Variants in FSTL4 observed in about 807,000 individuals in gnomAD.
FSTL4 encodes follistatin-related protein 4.
FSTL4 carries 28 observed loss-of-function variants against 78.2 expected under a neutral mutation model. The ratio of observed to expected loss-of-function variants is 0.36; its 90% CI spans 0.27 to 0.49. FSTL4 has a LOEUF of 0.49. Among genes scored for constraint, FSTL4 ranks in the 20% least tolerant of loss-of-function variants. The pLI is 0.98. For synonymous variants in FSTL4, 422 were observed against 440.5 expected, an observed-to-expected ratio of 0.96 and a Z score of 0.53; for missense variants, 922 against 1,084.9, an observed-to-expected ratio of 0.85 and a Z score of 2.11.
chr5:133,620,092 G>C, the FSTL4 span, among the ~76,000 whole-genome samples: 1 of 152,178 alleles, frequency 6.6e-6, no homozygotes, highest in Non-Finnish European at 1.5e-5. Context: ...TATCTAGTTA[G>C]GGGATAGAAT....
At chr5:133,714,692 A>C in the FSTL4 span, among the ~76,000 whole-genome samples, 4 of 152,356 alleles carry the variant, frequency 2.6e-5, no homozygotes, top group Non-Finnish European at 4.4e-5. Flanking sequence ...ACTCTCCCAG[A>C]ACACCATATG....
intron 3 of FSTL4, among the ~76,000 whole-genome samples, chr5:133,492,056 C>A (rs1229141060): frequency 1.3e-5 from 2 of 152,114 alleles, no homozygotes; most frequent in Non-Finnish European, 2.9e-5. Context: ...TTTTTCCAGA[C>A]TCTTCTGTTA....
At chr5:133,548,613 G>T (rs1164896196) in intron 3 of FSTL4, among the ~76,000 whole-genome samples, 2 of 152,124 alleles carry the variant, frequency 1.3e-5, no homozygotes, top group Non-Finnish European at 2.9e-5. Context: ...TAACACTACT[G>T]GCATTAGCAG....
At chr5:133,749,321 C>T in the FSTL4 span, among the ~76,000 whole-genome samples, 3 of 152,294 alleles carry the variant, frequency 2.0e-5, no homozygotes, top group African/African-American at 7.2e-5. Flanking sequence ...TTCTGAGTGA[C>T]CAGGCTTCAC....
chr5:133,325,851 T>C (rs1054206227), intron 4 of FSTL4, among the ~76,000 whole-genome samples: 2 of 152,116 alleles, frequency 1.3e-5, no homozygotes, highest in African/African-American at 4.8e-5. Flanking sequence ...TGGCTGCCTG[T>C]CCCCCAGACA....
At chr5:133,823,428 G>A in the FSTL4 span, among the ~76,000 whole-genome samples, 4 of 152,138 alleles carry the variant, frequency 2.6e-5, no homozygotes, top group African/African-American at 9.7e-5. Flanking sequence ...GGGCTGGTTT[G>A]GGCCCCCTTG....
intron 3 of FSTL4, among the ~76,000 whole-genome samples, chr5:133,434,917 C>CTG (rs149165082): frequency 2.6e-5 from 4 of 151,580 alleles, no homozygotes; most frequent in East Asian, 1.9e-4. Flanking sequence ...ATGTGAATGT[C>CTG]TGTGTGTGTG....
At chr5:133,438,125 T>C (rs143599502) in intron 3 of FSTL4, among the ~76,000 whole-genome samples, 1 of 152,338 alleles carries the variant, frequency 6.6e-6, no homozygotes, top group African/African-American at 2.4e-5. Context: ...AAGTACTTCT[T>C]TTAAAAAATA....
At chr5:133,776,224 G>A in the FSTL4 span, among the ~76,000 whole-genome samples, 1 of 152,190 alleles carries the variant, frequency 6.6e-6, no homozygotes, top group African/African-American at 2.4e-5. Context: ...TTGTGGTTTA[G>A]TTTGTCAATG....
chr5:133,569,504 T>G (rs773235574), intron 2 of FSTL4, among the ~76,000 whole-genome samples: 2 of 152,224 alleles, frequency 1.3e-5, no homozygotes, highest in Non-Finnish European at 2.9e-5. Flanking sequence ...ATTTGTTTAT[T>G]GACTGTTTCC....
intron 12 of FSTL4, among the ~76,000 whole-genome samples, chr5:133,218,693 T>C (rs60087442): frequency 0.03 from 4,642 of 152,248 alleles, 226 homozygotes; most frequent in African/African-American, 0.11. Context: ...ATCTACAGGG[T>C]TTATTTTCTC....
At chr5:133,581,079 T>G (rs951464609) in intron 2 of FSTL4, among the ~76,000 whole-genome samples, 13 of 152,332 alleles carry the variant, frequency 8.5e-5, no homozygotes, top group Non-Finnish European at 1.6e-4. Flanking sequence ...ATACACACTT[T>G]GATTAGAAGG....
intron 4 of FSTL4, among the ~76,000 whole-genome samples, chr5:133,320,069 C>T (rs1754009238): frequency 1.3e-5 from 2 of 152,134 alleles, no homozygotes; most frequent in South Asian, 4.1e-4. Flanking sequence ...CTCTTGGTGG[C>T]TCCCTGCCTT....
At chr5:133,374,020 C>G (rs1430472700) in intron 4 of FSTL4, among the ~76,000 whole-genome samples, 2 of 152,166 alleles carry the variant, frequency 1.3e-5, no homozygotes, top group Non-Finnish European at 2.9e-5. Flanking sequence ...TCTGCCTGAC[C>G]TGAAATGAAG....
At chr5:133,509,020 T>TG (rs895818718) in intron 3 of FSTL4, among the ~76,000 whole-genome samples, 5 of 152,238 alleles carry the variant, frequency 3.3e-5, no homozygotes, top group South Asian at 4.1e-4. Context: ...TTAAAGGACT[T>TG]GCTATTGGTT....
rs115554893 is a variant in FSTL4 at position 133,440,645 on chromosome 5, G to A, written c.161-39659C>T. On this transcript the variant is annotated intron_variant, in intron 3 of 15. Transcript: ENST00000265342. The surrounding 1 kb of genome is among the most constrained non-coding windows in gnomAD (Gnocchi z 4.1). ...CTGGAGGCACAGGGTAGTGGCCTGA[G>A]TCATTCCACTGGCAGAACACAACCT... 0.011 allele frequency among the ~76,000 whole-genome samples: 1,735 copies of A among 152,324 alleles called. 39 individuals are homozygous for A. Among genetic ancestry groups the A allele is most frequent in the African/African-American group, 0.039 (1,631 of 41,560 alleles).
chr5:133,349,208 G>C (rs1463452220), intron 4 of FSTL4, among the ~76,000 whole-genome samples: 1 of 152,096 alleles, frequency 6.6e-6, no homozygotes, highest in African/African-American at 2.4e-5. Context: ...ATGAGCAGTG[G>C]GTAGTCCTGG....
At chr5:133,808,821 A>C in the FSTL4 span, among the ~76,000 whole-genome samples, 1 of 151,892 alleles carries the variant, frequency 6.6e-6, no homozygotes, top group African/African-American at 2.4e-5. Flanking sequence ...AAACACCACA[A>C]AGGGCAAATG....
chr5:133,652,261 A>G, the FSTL4 span, among the ~76,000 whole-genome samples: 2 of 151,710 alleles, frequency 1.3e-5, no homozygotes, highest in Non-Finnish European at 2.9e-5. Flanking sequence ...TTCTGCTCTA[A>G]TTTTTTATTT....
Sources: allele counts gnomAD v4.1 joint callset (sites outside exome capture counted in the v4.1 genomes callset), GRCh38; gene constraint gnomAD v4.1.1; non-coding constraint Gnocchi (gnomAD v3.1); transcripts MANE v1.5; gene names NCBI Gene and HGNC (gene_info 2026-07-23, HGNC 2026-07-21).